Variants in SFI1 observed in about 807,000 individuals in gnomAD.
SFI1 encodes SFI1 centrin binding protein, also known as protein SFI1 homolog.
A neutral mutation model predicts 207.5 loss-of-function variants in SFI1; 195 were observed. That is an observed-to-expected ratio of 0.94 (90% CI 0.84 to 1.06). The LOEUF is 1.06. Among genes scored for constraint, SFI1 ranks in the 50% least tolerant of loss-of-function variants. SFI1 has a pLI of 0.00. For synonymous variants in SFI1, 630 were observed against 598.9 expected (o/e 1.05, Z -0.76); for missense variants, 1,634 against 1,588.0 (o/e 1.03, Z -0.49).
intron 11 of SFI1, among the ~76,000 whole-genome samples, chr22:31,579,570 C>A (rs942764171): frequency 2.6e-5 from 4 of 152,246 alleles, no homozygotes; most frequent in Non-Finnish European, 4.4e-5. Flanking sequence ...CCGCCTCGGC[C>A]TCCCAAAGTG....
At chr22:31,616,544 C>G in intron 29 of SFI1, 1 of 493,324 alleles carries the variant, frequency 2.0e-6, no homozygotes, top group African/African-American at 2.0e-5. Flanking sequence ...CGGGACTTTC[C>G]CCTACAGTAC....
At chr22:31,595,478 C>T (rs2066968304) in intron 15 of SFI1, among the ~76,000 whole-genome samples, 1 of 152,228 alleles carries the variant, frequency 6.6e-6, no homozygotes, top group Admixed American at 6.5e-5. Flanking sequence ...GTAACACAAC[C>T]AGTAAGTGGT....
chr22:31,584,704 T>G (rs905422394), intron 13 of SFI1, among the ~76,000 whole-genome samples: 1 of 152,178 alleles, frequency 6.6e-6, no homozygotes, highest in Non-Finnish European at 1.5e-5. Context: ...AAACCCTGGT[T>G]TACAAAACCT....
intron 1 of SFI1, among the ~76,000 whole-genome samples, chr22:31,504,875 A>G (rs550073065): frequency 6.6e-6 from 1 of 152,104 alleles, no homozygotes; most frequent in East Asian, 1.9e-4. Context: ...ATCGTGTTGG[A>G]TTATGGGCCC....
intron 3 of SFI1, 199 bp downstream of exon 3, chr22:31,529,062 C>A: frequency 2.0e-6 from 1 of 505,926 alleles, no homozygotes; most frequent in Non-Finnish European, 3.5e-6. Context: ...GTTTTCATTT[C>A]TCCACTTGTG....
intron 2 of SFI1, among the ~76,000 whole-genome samples, chr22:31,523,725 A>T (rs1417039670): frequency 1.3e-5 from 2 of 152,066 alleles, no homozygotes; most frequent in Non-Finnish European, 2.9e-5. Context: ...AAACAATATT[A>T]TCTCCATCTA....
chr22:31,529,584 A>G (rs990231781), intron 3 of SFI1, among the ~76,000 whole-genome samples: 1 of 152,216 alleles, frequency 6.6e-6, no homozygotes, highest in Admixed American at 6.6e-5. Context: ...CTAGATGCTG[A>G]GCATATAAAG....
In SFI1 at chr22:31,613,404, G is replaced by A. The variant is rs756324856; in HGVS notation, c.2616G>A (p.Ala872=). ...AFVLERRRKK[A]RLQWALQAYQ... ...TACTGGAAAGGAGGAGAAAGAAGGC[G>A]CGGCTGCAGTGGGCGCTCCAGGCCT... Residue 872 remains alanine, a synonymous_variant, in exon 26 of 33, where the codon GCG becomes GCA. Coordinates refer to ENST00000400288, the MANE Select transcript of SFI1 (RefSeq NM_001007467.3). 1.6e-5 allele frequency: 25 copies of A among 1,611,246 alleles called. No individual in the cohort carries two copies. The highest frequency in any genetic ancestry group is 1.2e-4 in the South Asian group (11 of 91,062).
chr22:31,514,238 G>A (rs768459956), intron 2 of SFI1, among the ~76,000 whole-genome samples: 10 of 151,800 alleles, frequency 6.6e-5, no homozygotes, highest in Non-Finnish European at 1.2e-4. Context: ...GGGTGCGGTG[G>A]CTCATGCCTG....
intron 4 of SFI1, among the ~76,000 whole-genome samples, chr22:31,537,042 ACTT>A (rs74742985): frequency 0.078 from 11,846 of 151,630 alleles, 826 homozygotes; most frequent in East Asian, 0.37. Flanking sequence ...GAGGGGATTT[ACTT>A]CTTTTTTTTT....
chr22:31,499,168 C>T (rs561928243), intron 1 of SFI1, among the ~76,000 whole-genome samples: 11 of 151,960 alleles, frequency 7.2e-5, no homozygotes, highest in East Asian at 1.9e-4. Flanking sequence ...TACCATGCCT[C>T]GCTAATTTTT....
intron 15 of SFI1, among the ~76,000 whole-genome samples, chr22:31,593,663 G>A (rs1449325461): frequency 7.4e-6 from 1 of 135,696 alleles, no homozygotes; most frequent in Non-Finnish European, 1.6e-5. Flanking sequence ...GGTGTAGGTT[G>A]TAGTGAGCCG....
Position 31,561,387 on chromosome 22 carries a change from G to A in SFI1, c.760G>A (p.Val254Met). ...ALKHRALSLQ[V>M]QAWSQWREQL... is the part of the protein sequence containing the mutation. ...GAAGCACAGGGCCCTGAGCCTCCAG[G>A]TGCAGGTGAGTCCAGCAGACGTGGG... Residue 254 changes from valine (V) to methionine (M), a missense_variant, in exon 8 of 33, where the codon GTG becomes ATG. Val to Met is a conservative substitution (Grantham distance 21, BLOSUM62 1). Transcript: ENST00000400288. 8.7e-6 allele frequency: 14 copies of A among 1,613,140 alleles called. No homozygotes were observed. The highest frequency in any genetic ancestry group is 1.2e-5 in the Non-Finnish European group (14 of 1,179,632).
chr22:31,582,891 G>T (rs1454115391), intron 12 of SFI1, among the ~76,000 whole-genome samples: 4 of 151,954 alleles, frequency 2.6e-5, no homozygotes, highest in African/African-American at 9.7e-5. Flanking sequence ...AAAAGGACAG[G>T]CCAGTTATTT....
chr22:31,604,742 G>T, intron 19 of SFI1, 127 bp from the exon 20 acceptor site: 1 of 779,294 alleles, frequency 1.3e-6, no homozygotes, highest in African/African-American at 1.8e-5. Flanking sequence ...AGGGGCTGTT[G>T]GCCTCTTCCT....
intron 29 of SFI1, 78 bp downstream of exon 29, chr22:31,615,357 T>G (rs1481691180): frequency 6.9e-6 from 9 of 1,296,846 alleles, no homozygotes; most frequent in Admixed American, 3.2e-5. Context: ...ATGCCACAGC[T>G]GTACTAGTTT....
chr22:31,606,454 G>T, intron 21 of SFI1, 24 bp downstream of exon 21: 1 of 1,599,612 alleles, frequency 6.3e-7, no homozygotes, highest in Non-Finnish European at 8.6e-7. Flanking sequence ...AGGCAAGCTG[G>T]TCACCCAGGA....
intron 12 of SFI1, among the ~76,000 whole-genome samples, chr22:31,582,389 C>T (rs970977667): frequency 1.3e-5 from 2 of 149,506 alleles, no homozygotes; most frequent in Non-Finnish European, 3.0e-5. Flanking sequence ...GTAGCTGGGA[C>T]TACAGACGCA....
Position 31,551,875 on chromosome 22 carries a change from T to C in SFI1, c.544+1527T>C, listed in dbSNP as rs1357215518. On this transcript the variant is annotated intron_variant, in intron 6 of 32. Transcript: ENST00000400288. The stretch of plus-strand genomic sequence containing the variant: ...GTCATTAAAATTTTTTCTTTGGCCA[T>C]ACTAATAGGTGTATACAGGCATTTA... Among the ~76,000 whole-genome samples the C allele has an allele frequency of 3.3e-5, 5 of 152,316 alleles. No individual in the cohort carries two copies. The East Asian group carries it at 9.6e-4, about 29-fold the overall frequency.
Sources: allele counts gnomAD v4.1 joint callset (sites outside exome capture counted in the v4.1 genomes callset), GRCh38; gene constraint gnomAD v4.1.1; transcripts MANE v1.5; gene names NCBI Gene and HGNC (gene_info 2026-07-23, HGNC 2026-07-21).